The following AP3B1 variants were observed in gnomAD, a reference collection of about 807,000 sequenced individuals.
AP3B1 encodes AP-3 complex subunit beta-1.
AP3B1 carries 61 observed loss-of-function variants against 132.5 expected under a neutral mutation model. That is an observed-to-expected ratio of 0.46 (90% confidence interval 0.37 to 0.57). The LOEUF is 0.57. Among genes scored for constraint, AP3B1 ranks in the 20% least tolerant of loss-of-function variants. The pLI, the probability that AP3B1 is intolerant of heterozygous loss-of-function variation, is 0.00. For missense variants in AP3B1, 1,120 were observed against 1,289.4 expected (o/e 0.87, Z 2.01); for synonymous variants, 388 against 438.3 (o/e 0.89, Z 1.43).
At chr5:78,016,306 A>T (rs1384190983) in intron 25 of AP3B1, among the ~76,000 whole-genome samples, 1 of 152,142 alleles carries the variant, frequency 6.6e-6, no homozygotes, top group South Asian at 2.1e-4. Flanking sequence ...AGTTAATGCA[A>T]GACATGCCAT....
chr5:78,192,735 C>G (rs541492813), intron 7 of AP3B1, among the ~76,000 whole-genome samples: 1 of 152,088 alleles, frequency 6.6e-6, no homozygotes, highest in East Asian at 1.9e-4. Context: ...GTCATGAAGA[C>G]GGAACTCTCA....
At position 78,019,892 on chromosome 5, in the gene AP3B1, C is replaced by T. The variant is rs1177818011; in HGVS notation, c.2992+800G>A. Among the ~76,000 whole-genome samples, 4 of 151,956 alleles carry T rather than the reference C, an allele frequency of 2.6e-5. No individual in the cohort carries two copies. In the East Asian group the frequency reaches 7.7e-4, roughly 29 times the overall value. On this transcript the variant is annotated intron_variant, in intron 25 of 26. Transcript: ENST00000255194. Reference sequence around the variant, plus strand: ...CAAAATGAAGGGATCTTTGATAACACCCTCCACAGGAAAAAATGGCTTAGA... The same window carrying T: ...CAAAATGAAGGGATCTTTGATAACATCCTCCACAGGAAAAAATGGCTTAGA...
intron 1 of AP3B1, among the ~76,000 whole-genome samples, chr5:78,278,183 C>T (rs1199414815): frequency 6.6e-5 from 10 of 152,164 alleles, no homozygotes; most frequent in Admixed American, 6.5e-4. Flanking sequence ...AAATTTTATG[C>T]ATCACCATAT....
intron 11 of AP3B1, among the ~76,000 whole-genome samples, chr5:78,172,548 G>A (rs1743963730): frequency 6.6e-6 from 1 of 152,130 alleles, no homozygotes; most frequent in Admixed American, 6.5e-5. Flanking sequence ...ATTCTCTGAT[G>A]GTAGTTTATA....
intron 3 of AP3B1, among the ~76,000 whole-genome samples, chr5:78,228,827 C>T (rs968403514): frequency 2.0e-5 from 3 of 152,228 alleles, no homozygotes; most frequent in African/African-American, 7.2e-5. Context: ...ACACGCATTA[C>T]ATGATATTTT....
At chr5:78,127,740 G>C (rs1214016648) in intron 17 of AP3B1, among the ~76,000 whole-genome samples, 1 of 152,134 alleles carries the variant, frequency 6.6e-6, no homozygotes, top group Non-Finnish European at 1.5e-5. Context: ...AAATACCTTA[G>C]AAATTGAATC....
chr5:78,241,427 T>C (rs1370677891), intron 2 of AP3B1, among the ~76,000 whole-genome samples: 1 of 152,152 alleles, frequency 6.6e-6, no homozygotes, highest in Non-Finnish European at 1.5e-5. Flanking sequence ...TTTTTAAAAA[T>C]ATTTAAAAAT....
intron 22 of AP3B1, among the ~76,000 whole-genome samples, chr5:78,078,678 A>G (rs1749861968): frequency 6.6e-6 from 1 of 152,218 alleles, no homozygotes; most frequent in African/African-American, 2.4e-5. Context: ...TTGCAGAATT[A>G]CTTGCTCCCT....
At chr5:78,174,874 G>A (rs1350231715) in intron 11 of AP3B1, among the ~76,000 whole-genome samples, 1 of 152,198 alleles carries the variant, frequency 6.6e-6, no homozygotes, top group African/African-American at 2.4e-5. Flanking sequence ...GGTGGGCTCC[G>A]CCCAATTCAA....
At position 78,129,164 on chromosome 5, in the gene AP3B1, G is replaced by T; in HGVS notation, c.1794C>A (p.Phe598Leu). ...GCAGTGGTGCAGGCTTTTGTGCTAG[G>T]AATATTTTTTTGGCATATTTACTTA... is the stretch of plus-strand genomic sequence containing the variant. ...GALSKYAKKIFLAQKPAPLLE... is the reference protein window; with the variant it reads ...GALSKYAKKILLAQKPAPLLE... Residue 598 changes from phenylalanine (F) to leucine (L), a missense_variant, in exon 16 of 27, where the codon TTC (phenylalanine) becomes TTA (leucine). By Grantham distance (22) the Phe-to-Leu change is conservative. Transcript: ENST00000255194. 1 of 1,613,262 alleles carries T rather than the reference G, an allele frequency of 6.2e-7. No homozygotes were observed.
At chr5:78,244,139 A>G (rs1370850195) in intron 2 of AP3B1, among the ~76,000 whole-genome samples, 1 of 152,246 alleles carries the variant, frequency 6.6e-6, no homozygotes, top group Non-Finnish European at 1.5e-5. Flanking sequence ...ACTGCCTGTA[A>G]TCCCGGCACT....
At chr5:78,276,881 AAG>A (rs906068947) in intron 1 of AP3B1, among the ~76,000 whole-genome samples, 1 of 93,130 alleles carries the variant, frequency 1.1e-5, no homozygotes, top group Non-Finnish European at 2.9e-5. Flanking sequence ...AAAAAAAAAA[AAG>A]AAGAAGAAGC....
At chr5:78,119,398 C>CA (rs1752043636) in intron 17 of AP3B1, among the ~76,000 whole-genome samples, 1 of 152,004 alleles carries the variant, frequency 6.6e-6, no homozygotes, top group African/African-American at 2.4e-5. Context: ...CTCCAAGCTA[C>CA]AGGAGGAAAT....
chr5:78,127,802 A>G (rs1752522206), intron 17 of AP3B1, among the ~76,000 whole-genome samples: 1 of 152,206 alleles, frequency 6.6e-6, no homozygotes, highest in African/African-American at 2.4e-5. Context: ...GATGCAGAGA[A>G]TTCAGTTCTC....
Position 78,141,277 on chromosome 5 carries a change from T to A in AP3B1, c.1516A>T (p.Asn506Tyr). The A allele has an allele frequency of 6.2e-7, 1 of 1,613,726 alleles. No homozygotes were observed. The highest frequency in any genetic ancestry group is 8.5e-7 in the Non-Finnish European group (1 of 1,179,758). ...RASILWLIGE[N>Y]CERVPKIAPD... is the part of the protein sequence containing the mutation. ...GCAATTTTAGGAACTCGTTCACAGT[T>A]TTCTCCAATTAGCCAAAGAATACTT... The change falls in exon 15 of 27, where the codon AAC (asparagine) becomes TAC (tyrosine). Residue 506 changes from asparagine (N) to tyrosine (Y), a missense_variant. Physicochemically the swap from Asn to Tyr is moderately radical, Grantham distance 143. This residue lies in a region of AP3B1 where 906 missense variants were observed against 997.1 expected (regional missense o/e 0.91). Transcript: ENST00000255194.
chr5:78,129,206 A>T lies in AP3B1; in HGVS notation c.1752T>A (p.Asn584Lys), dbSNP rs201990153. 1 of 1,613,068 alleles carries T rather than the reference A, an allele frequency of 6.2e-7. No homozygotes were observed. The change falls in exon 16 of 27, where the codon AAT (asparagine) becomes AAA (lysine). Residue 584 changes from asparagine to lysine, a missense_variant. By Grantham distance (94) the Asn-to-Lys change is moderately conservative. This residue lies in a region of AP3B1 where 906 missense variants were observed against 997.1 expected (regional missense o/e 0.91). Coordinates refer to ENST00000255194, the MANE Select transcript of AP3B1 (RefSeq NM_003664.5). Reference protein sequence around the residue: ...TRFIRQLIVPNVKSGALSKYA... With the variant: ...TRFIRQLIVPKVKSGALSKYA... Reference sequence around the variant, plus strand: ...ATTTACTTAAAGCTCCACTCTTTACATTCGGAACAATAAGCTGCCTAATAA... The same window carrying T: ...ATTTACTTAAAGCTCCACTCTTTACTTTCGGAACAATAAGCTGCCTAATAA...
intron 7 of AP3B1, among the ~76,000 whole-genome samples, chr5:78,192,735 C>T (rs541492813): frequency 5.9e-5 from 9 of 152,206 alleles, no homozygotes; most frequent in South Asian, 2.1e-4. Flanking sequence ...GTCATGAAGA[C>T]GGAACTCTCA....
intron 22 of AP3B1, among the ~76,000 whole-genome samples, chr5:78,072,712 CTTTTTT>C (rs34203981): frequency 2.5e-4 from 17 of 68,286 alleles, no homozygotes; most frequent in African/African-American, 3.1e-4. Context: ...CTGATATATT[CTTTTTT>C]TTTTTTTTTT....
chr5:78,237,097 T>C (rs182780498), intron 3 of AP3B1, among the ~76,000 whole-genome samples: 47 of 152,366 alleles, frequency 3.1e-4, no homozygotes, highest in African/African-American at 1.1e-3. Flanking sequence ...ACAACTGTTT[T>C]GATTTTGGCT....
Sources: gnomAD v4.1 joint callset for allele counts (sites outside exome capture counted in the v4.1 genomes callset) on GRCh38, gnomAD v4.1.1 for gene constraint, gnomAD v4.1.1 regional missense constraint, MANE v1.5 for transcripts, NCBI Gene and HGNC (gene_info 2026-07-23, HGNC 2026-07-21) for gene names.